Variants in COG5 observed in about 807,000 individuals in gnomAD.
The protein encoded by COG5 is component of oligomeric golgi complex 5.
Under a neutral mutation model 110.4 loss-of-function variants are expected in COG5, and 86 were observed. The ratio of observed to expected loss-of-function variants is 0.78; its 90% CI spans 0.65 to 0.93. The LOEUF (loss-of-function observed/expected upper bound fraction) is 0.93. Ranked by LOEUF, COG5 falls within the 40% of genes least tolerant of loss-of-function variation. COG5 has a pLI of 0.00. For synonymous variants in COG5, 360 were observed against 334.6 expected (o/e 1.08, Z -0.83); for missense variants, 1,077 against 987.0 (o/e 1.09, Z -1.22).
chr7:107,476,188 A>AAAAAAAAAAAAAAAG, intron 6 of COG5, among the ~76,000 whole-genome samples: 1 of 93,440 alleles, frequency 1.1e-5, no homozygotes, highest in South Asian at 3.1e-4. Context: ...TGATTTTAAA[A>AAAAAAAAAAAAAAAG]AAAAAAAAAA....
chr7:107,233,609 G>A (rs1333065545), intron 18 of COG5, among the ~76,000 whole-genome samples: 1 of 152,134 alleles, frequency 6.6e-6, no homozygotes, highest in Non-Finnish European at 1.5e-5. Flanking sequence ...GTCCCTTCTT[G>A]AGCTCTTTTT....
chr7:107,405,985 G>A (rs1278788876), intron 7 of COG5, among the ~76,000 whole-genome samples: 1 of 152,146 alleles, frequency 6.6e-6, no homozygotes, highest in Non-Finnish European at 1.5e-5. Context: ...CCAGAACTGT[G>A]AAAAATAAAT....
At chr7:107,343,803 A>G (rs1811368737) in intron 10 of COG5, among the ~76,000 whole-genome samples, 2 of 152,160 alleles carry the variant, frequency 1.3e-5, no homozygotes, top group African/African-American at 4.8e-5. Context: ...TAGTCTCCTT[A>G]TACATCTCAA....
chr7:107,430,644 A>T (rs1793964268), intron 6 of COG5, among the ~76,000 whole-genome samples: 1 of 152,198 alleles, frequency 6.6e-6, no homozygotes, highest in South Asian at 2.1e-4. Context: ...TATCTGCAGC[A>T]AACACCAATT....
chr7:107,420,095 C>G (rs1793172616), intron 6 of COG5, among the ~76,000 whole-genome samples: 2 of 151,888 alleles, frequency 1.3e-5, no homozygotes, highest in Non-Finnish European at 2.9e-5. Flanking sequence ...TTAGAGAAAA[C>G]AGGTACATCT....
At chr7:107,414,332 C>T (rs1379305096) in intron 6 of COG5, among the ~76,000 whole-genome samples, 1 of 152,058 alleles carries the variant, frequency 6.6e-6, no homozygotes, top group Non-Finnish European at 1.5e-5. Context: ...CCTTCATATA[C>T]CACAGTGATG....
At position 107,416,823 on chromosome 7, in the gene COG5, G is replaced by A. The variant is rs755592003; in HGVS notation, c.539-4191C>T. The stretch of plus-strand genomic sequence containing the variant: ...GAAAAGCAGAATATATTACCTCAGG[G>A]AGAAGAGTTTAACGCAAAGATTATT... On this transcript the variant is annotated intron_variant, in intron 6 of 21. Transcript: ENST00000297135. Among the ~76,000 whole-genome samples, 9 of 152,154 alleles carry A rather than the reference G, an allele frequency of 5.9e-5. No homozygotes were observed. The East Asian group carries it at 7.7e-4, about 13-fold the overall frequency.
At chr7:107,230,882 AG>A (rs1309387107) in intron 18 of COG5, among the ~76,000 whole-genome samples, 191 bp from the exon 19 acceptor site, 2 of 151,470 alleles carry the variant, frequency 1.3e-5, no homozygotes, top group African/African-American at 4.9e-5. Flanking sequence ...ATTTACTAAG[AG>A]GGCCCAAGAT....
chr7:107,282,493 A>G (rs1204341955), intron 13 of COG5, among the ~76,000 whole-genome samples: 1 of 152,200 alleles, frequency 6.6e-6, no homozygotes. Flanking sequence ...AGCAAAAGAT[A>G]TGCTTATGTA....
At position 107,236,672 on chromosome 7, in the gene COG5, T is replaced by C. The variant is rs200289261; in HGVS notation, c.1869A>G (p.Ser623=). The change falls in exon 18 of 22, where the codon TCA becomes TCG. Residue 623 remains serine (S), a synonymous_variant. Transcript: ENST00000297135. ...QEDFSGSLSS[S]GKPDVPCSLY... ...GAGAACAAGGAACATCAGGTTTTCCTGAGCTGGATAATGACCTGTAAAAGA... is the reference window on the plus strand; with the variant it reads ...GAGAACAAGGAACATCAGGTTTTCCCGAGCTGGATAATGACCTGTAAAAGA... 27 of 1,613,456 alleles carry C rather than the reference T, an allele frequency of 1.7e-5. No individual in the cohort carries two copies. The highest frequency in any genetic ancestry group is 8.3e-5 in the Admixed American group (5 of 60,006).
At chr7:107,441,035 T>A (rs1332811808) in intron 6 of COG5, among the ~76,000 whole-genome samples, 4 of 151,266 alleles carry the variant, frequency 2.6e-5, no homozygotes, top group African/African-American at 9.7e-5. Flanking sequence ...GGGTGGATCA[T>A]GAGGTCAGGA....
intron 14 of COG5, among the ~76,000 whole-genome samples, chr7:107,274,767 T>C (rs1804563844): frequency 6.6e-6 from 1 of 152,188 alleles, no homozygotes; most frequent in Non-Finnish European, 1.5e-5. Flanking sequence ...ATATAACTAA[T>C]ACAGACTTTG....
intron 7 of COG5, among the ~76,000 whole-genome samples, chr7:107,386,110 C>A (rs929504328): frequency 6.6e-6 from 1 of 151,718 alleles, no homozygotes. Flanking sequence ...TTTACAAAAG[C>A]CTCAGGATAG....
At chr7:107,305,198 G>C (rs1807607093) in intron 11 of COG5, among the ~76,000 whole-genome samples, 1 of 152,168 alleles carries the variant, frequency 6.6e-6, no homozygotes, top group Non-Finnish European at 1.5e-5. Flanking sequence ...ACATGGAATA[G>C]ATTATCCTAG....
intron 5 of COG5, among the ~76,000 whole-genome samples, chr7:107,543,999 A>G (rs1204629156): frequency 6.6e-6 from 1 of 151,482 alleles, no homozygotes; most frequent in East Asian, 2.0e-4. Flanking sequence ...GCCCTTGCAG[A>G]CCCAGCCTCC....
At position 107,469,597 on chromosome 7, in the gene COG5, A is replaced by G. The variant is rs534227215; in HGVS notation, c.539-56965T>C. ...GGAATACCCAGAGAAGATGACTTGAATACAAACAAACTATTTAAAATTCAC... is the reference window on the plus strand; with the variant it reads ...GGAATACCCAGAGAAGATGACTTGAGTACAAACAAACTATTTAAAATTCAC... On this transcript the variant is annotated intron_variant, in intron 6 of 21. Transcript: ENST00000297135. 7.2e-5 allele frequency among the ~76,000 whole-genome samples: 11 copies of G among 152,304 alleles called. No homozygotes were observed. The South Asian group carries it at 2.3e-3, about 32-fold the overall frequency.
intron 7 of COG5, among the ~76,000 whole-genome samples, chr7:107,391,887 C>G (rs1042061209): frequency 6.6e-6 from 1 of 152,096 alleles, no homozygotes; most frequent in South Asian, 2.1e-4. Context: ...GTCAGGAGTT[C>G]GAGACCACCC....
intron 7 of COG5, among the ~76,000 whole-genome samples, chr7:107,405,129 T>A (rs574698761): frequency 6.6e-6 from 1 of 152,336 alleles, no homozygotes; most frequent in East Asian, 1.9e-4. Flanking sequence ...CTCCAGATCA[T>A]GATTCTATTA....
intron 6 of COG5, among the ~76,000 whole-genome samples, chr7:107,458,004 G>A (rs1372671995): frequency 6.6e-6 from 1 of 151,984 alleles, no homozygotes; most frequent in East Asian, 1.9e-4. Flanking sequence ...GAAGCTAGAG[G>A]AAAGAAGATA....
Sources: allele counts gnomAD v4.1 joint callset (sites outside exome capture counted in the v4.1 genomes callset), GRCh38; gene constraint gnomAD v4.1.1; transcripts MANE v1.5; gene names NCBI Gene and HGNC (gene_info 2026-07-23, HGNC 2026-07-21).